Variants in FBXL17 observed in about 807,000 individuals in gnomAD.
FBXL17 encodes F-box and leucine rich repeat protein 17.
In FBXL17, 22 loss-of-function variants were observed where a neutral mutation model predicts 66.2. That is an observed-to-expected ratio of 0.33 (90% CI 0.24 to 0.47). FBXL17 has a LOEUF of 0.47. Among genes scored for constraint, FBXL17 ranks in the 20% least tolerant of loss-of-function variants. The pLI is 1.00. For missense variants in FBXL17, 878 were observed against 948.2 expected (o/e 0.93, Z 0.97); for synonymous variants, 474 against 400.5 (o/e 1.18, Z -2.19).
chr5:108,365,110 G>T (rs184570678), intron 2 of FBXL17, 115 bp from the exon 3 acceptor site: 4 of 682,496 alleles, frequency 5.9e-6, no homozygotes, highest in Admixed American at 3.0e-5. Flanking sequence ...TAGCATGAAC[G>T]ATATAATCAA....
chr5:108,059,660 G>A (rs528393289), intron 6 of FBXL17, among the ~76,000 whole-genome samples: 19 of 152,264 alleles, frequency 1.2e-4, no homozygotes, highest in Non-Finnish European at 1.8e-4. Flanking sequence ...GACCATCATC[G>A]TCAGAAGACA....
At chr5:108,044,496 C>T (rs527416378) in intron 6 of FBXL17, among the ~76,000 whole-genome samples, 3 of 152,176 alleles carry the variant, frequency 2.0e-5, no homozygotes, top group South Asian at 4.1e-4. Context: ...GGAATAAATT[C>T]CAGTTGGCCA....
At chr5:108,258,010 G>A (rs1358528221) in intron 4 of FBXL17, among the ~76,000 whole-genome samples, 1 of 152,098 alleles carries the variant, frequency 6.6e-6, no homozygotes, top group Non-Finnish European at 1.5e-5. Context: ...CAACTGTGGG[G>A]ATGCAAATTA....
intron 6 of FBXL17, among the ~76,000 whole-genome samples, chr5:108,132,950 T>C (rs926220634): frequency 6.6e-6 from 1 of 152,164 alleles, no homozygotes; most frequent in African/African-American, 2.4e-5. Context: ...GAATGTCATA[T>C]TAGCAATGGG....
chr5:107,970,387 T>C (rs1312672020), intron 7 of FBXL17, among the ~76,000 whole-genome samples: 1 of 152,218 alleles, frequency 6.6e-6, no homozygotes, highest in Admixed American at 6.5e-5. Flanking sequence ...TTATATATTT[T>C]CTGTGGGAAA....
Position 107,991,914 on chromosome 5 carries a change from C to T in FBXL17, c.1822+29011G>A, listed in dbSNP as rs534476034. Among the ~76,000 whole-genome samples the T allele has an allele frequency of 5.3e-5, 8 of 152,140 alleles. No individual in the cohort carries two copies. In the South Asian group the frequency reaches 1.2e-3, roughly 24 times the overall value. On this transcript the variant is annotated intron_variant, in intron 7 of 8. Coordinates refer to ENST00000542267, the MANE Select transcript of FBXL17 (RefSeq NM_001163315.3). ...AATATGTAAGCATATCATTGCATTG[C>T]TTAAGGTAGAGAGATTTAATCATAG... is the stretch of plus-strand genomic sequence containing the variant.
At chr5:107,881,255 C>A in intron 7 of FBXL17, 76 bp from the exon 8 acceptor site, 2 of 802,916 alleles carry the variant, frequency 2.5e-6, no homozygotes, top group South Asian at 3.4e-5. Flanking sequence ...CTATTCATCT[C>A]ATTTCCTCAC....
intron 5 of FBXL17, among the ~76,000 whole-genome samples, chr5:108,215,845 G>A (rs932306065): frequency 7.2e-5 from 11 of 152,048 alleles, no homozygotes; most frequent in Admixed American, 5.9e-4. Flanking sequence ...CTACATTTAG[G>A]TCTTTGAACC....
intron 7 of FBXL17, among the ~76,000 whole-genome samples, chr5:107,899,726 G>A (rs951544364): frequency 2.6e-5 from 4 of 152,134 alleles, no homozygotes; most frequent in Non-Finnish European, 4.4e-5. Context: ...TTTTCTAAAC[G>A]TAAGTTGTAT....
At position 108,373,369 on chromosome 5, in the gene FBXL17, T is replaced by TAAATA. The variant is rs1749192785; in HGVS notation, c.994-5421_994-5417dup. 3.1e-4 allele frequency among the ~76,000 whole-genome samples: 12 copies of TAAATA among 39,040 alleles called. 1 individual carries two copies. In the Admixed American group the frequency reaches 5.3e-3, roughly 17 times the overall value. The allele number at this position is 39,040 out of a possible 152,430, so 25.6% of individuals were successfully genotyped here. On this transcript the variant is annotated intron_variant, in intron 1 of 8. Coordinates refer to ENST00000542267, the MANE Select transcript of FBXL17 (RefSeq NM_001163315.3). ...TAATATATCTAAATATATATTAATA[T>TAAATA]AAATATATATCTAAATATATTAATA...
At chr5:108,075,287 C>T (rs1561397743) in intron 6 of FBXL17, among the ~76,000 whole-genome samples, 1 of 152,150 alleles carries the variant, frequency 6.6e-6, no homozygotes, top group Non-Finnish European at 1.5e-5. Flanking sequence ...TTTTGTGCTA[C>T]CTTAGCATCA....
At chr5:107,908,360 A>G (rs1165904653) in intron 7 of FBXL17, among the ~76,000 whole-genome samples, 1 of 152,304 alleles carries the variant, frequency 6.6e-6, no homozygotes, top group East Asian at 1.9e-4. Flanking sequence ...TCAACAAATG[A>G]TAATACAGAT....
intron 4 of FBXL17, among the ~76,000 whole-genome samples, chr5:108,324,954 G>C (rs1385042567): frequency 6.6e-6 from 1 of 152,000 alleles, no homozygotes; most frequent in East Asian, 1.9e-4. Flanking sequence ...GGTACCTAGA[G>C]GAATCAAAGT....
At chr5:107,866,517 G>A (rs1012702658) in intron 8 of FBXL17, among the ~76,000 whole-genome samples, 8 of 152,178 alleles carry the variant, frequency 5.3e-5, no homozygotes, top group African/African-American at 4.8e-5. Context: ...CGCTCTTAAC[G>A]GAAGGGTGAG....
At chr5:108,039,106 G>T (rs868463719) in intron 6 of FBXL17, among the ~76,000 whole-genome samples, 1 of 152,030 alleles carries the variant, frequency 6.6e-6, no homozygotes, top group Non-Finnish European at 1.5e-5. Context: ...TACCAGGGCA[G>T]AAAAGAGGGC....
chr5:108,042,039 G>A (rs1468541291), intron 6 of FBXL17, among the ~76,000 whole-genome samples: 1 of 152,096 alleles, frequency 6.6e-6, no homozygotes, highest in African/African-American at 2.4e-5. Flanking sequence ...GGGATTACAG[G>A]CATGTGCCAC....
intron 6 of FBXL17, among the ~76,000 whole-genome samples, chr5:108,117,335 T>C (rs760710489): frequency 6.6e-6 from 1 of 152,146 alleles, no homozygotes; most frequent in African/African-American, 2.4e-5. Flanking sequence ...TTAATCAAGT[T>C]TGAAAATGAT....
At chr5:108,147,136 T>C (rs186388224) in intron 6 of FBXL17, among the ~76,000 whole-genome samples, 1 of 152,306 alleles carries the variant, frequency 6.6e-6, no homozygotes, top group Non-Finnish European at 1.5e-5. Context: ...CTTAATACTA[T>C]TACAGTGGTT....
chr5:107,897,196 C>G (rs1749412538), intron 7 of FBXL17, among the ~76,000 whole-genome samples: 1 of 151,998 alleles, frequency 6.6e-6, no homozygotes, highest in African/African-American at 2.4e-5. Flanking sequence ...TCTGTCTGAA[C>G]AGATTTTTAA....
Sources: gnomAD v4.1 joint callset for allele counts (sites outside exome capture counted in the v4.1 genomes callset) on GRCh38, gnomAD v4.1.1 for gene constraint, MANE v1.5 for transcripts, NCBI Gene and HGNC (gene_info 2026-07-23, HGNC 2026-07-21) for gene names.